Variants in RBMS1 observed in about 807,000 individuals in gnomAD.
RBMS1 encodes RNA-binding motif, single-stranded-interacting protein 1.
Under a neutral mutation model 62.3 loss-of-function variants are expected in RBMS1, and 17 were observed. The observed-to-expected ratio is 0.27, with a 90% CI of 0.19 to 0.41. The LOEUF is 0.41. RBMS1 is among the 10% of genes least tolerant of loss of function. The pLI, the probability that RBMS1 is intolerant of heterozygous loss-of-function variation, is 1.00. For synonymous variants in RBMS1, 172 were observed against 170.0 expected (o/e 1.01, Z -0.09); for missense variants, 334 against 504.5 (o/e 0.66, Z 3.24).
chr2:160,306,729 T>A (rs1689548856), intron 4 of RBMS1, among the ~76,000 whole-genome samples: 1 of 152,010 alleles, frequency 6.6e-6, no homozygotes, highest in Non-Finnish European at 1.5e-5. Context: ...CGGGTGTTTT[T>A]TTTTTCTTTT....
rs761978088 is a variant in RBMS1 at position 160,287,044 on chromosome 2, T to C, written c.681A>G (p.Gly227=). 38 of 1,613,998 alleles carry C rather than the reference T, an allele frequency of 2.4e-5. No individual in the cohort carries two copies. In the South Asian group the frequency reaches 3.7e-4, roughly 16 times the overall value. ...EPLLCKFADG[G]QKKRQNPNKY... ...TGTTTGGGTTCTGTCTCTTTTTCTG[T>C]CCTCCATCAGCAAACTTACACAATA... The change falls in exon 7 of 14, where the codon GGA becomes GGG. Residue 227 remains glycine (G), a synonymous_variant. Transcript: ENST00000348849.
intron 6 of RBMS1, among the ~76,000 whole-genome samples, chr2:160,288,883 G>A (rs187558185): frequency 9.9e-5 from 15 of 152,002 alleles, no homozygotes; most frequent in Non-Finnish European, 1.9e-4. Context: ...CCAACTGGCC[G>A]TTTTTCTCTA....
At chr2:160,318,746 T>C (rs1690376990) in intron 2 of RBMS1, among the ~76,000 whole-genome samples, 1 of 152,226 alleles carries the variant, frequency 6.6e-6, no homozygotes, top group Non-Finnish European at 1.5e-5. Flanking sequence ...TGTGCGCATG[T>C]TTATGTTTAG....
In RBMS1 at chr2:160,281,012, A is replaced by G. The variant is rs113652944; in HGVS notation, c.951+302T>C. On this transcript the variant is annotated intron_variant, in intron 10 of 13. Transcript: ENST00000348849. ...AAAAAATGAGAGCGGTTTTATCCCAAGTACTATTAAAAATGTAGCCTCTCA... is the reference window on the plus strand; with the variant it reads ...AAAAAATGAGAGCGGTTTTATCCCAGGTACTATTAAAAATGTAGCCTCTCA... Among the ~76,000 whole-genome samples the G allele has an allele frequency of 4.9e-3, 743 of 152,290 alleles. 10 individuals are homozygous for G. The highest frequency in any genetic ancestry group is 0.017 in the African/African-American group (716 of 41,568).
intron 1 of RBMS1, among the ~76,000 whole-genome samples, chr2:160,481,878 T>C (rs1409459352): frequency 6.6e-6 from 1 of 152,182 alleles, no homozygotes; most frequent in Non-Finnish European, 1.5e-5. Context: ...ATAGAGCAAT[T>C]AGATTTCTCA....
intron 2 of RBMS1, chr2:160,366,947 A>C (rs1237182810): frequency 4.0e-6 from 1 of 250,926 alleles, no homozygotes; most frequent in Non-Finnish European, 7.5e-6. Flanking sequence ...TTTTTAAAAA[A>C]ATTCATATTT....
chr2:160,394,178 C>A (rs183141875), intron 1 of RBMS1, among the ~76,000 whole-genome samples: 1 of 152,210 alleles, frequency 6.6e-6, no homozygotes, highest in African/African-American at 2.4e-5. Context: ...TACAAGTGAA[C>A]AATTTAGTCT....
chr2:160,445,200 A>G (rs1683592149), intron 1 of RBMS1, among the ~76,000 whole-genome samples: 1 of 152,264 alleles, frequency 6.6e-6, no homozygotes, highest in Non-Finnish European at 1.5e-5. Flanking sequence ...TTTTATCATT[A>G]TAAATATTCA....
At chr2:160,298,347 TA>T (rs59378179) in intron 6 of RBMS1, among the ~76,000 whole-genome samples, 4 of 152,020 alleles carry the variant, frequency 2.6e-5, no homozygotes, top group Non-Finnish European at 5.9e-5. Flanking sequence ...AGGATGAATA[TA>T]AGGTAACTGA....
At chr2:160,488,004 T>A (rs1559613816) in intron 1 of RBMS1, among the ~76,000 whole-genome samples, 3 of 152,236 alleles carry the variant, frequency 2.0e-5, no homozygotes, top group Admixed American at 2.0e-4. Context: ...ATGGGAGATA[T>A]ATGTTCAGTT....
intron 1 of RBMS1, among the ~76,000 whole-genome samples, chr2:160,477,607 G>A (rs193193969): frequency 3.2e-4 from 49 of 152,046 alleles, no homozygotes; most frequent in Non-Finnish European, 5.0e-4. Context: ...AGAGAACGTG[G>A]GTAAACTGTG....
chr2:160,397,111 G>C lies in RBMS1; in HGVS notation c.76-29720C>G, dbSNP rs139017704. ...ATGCTTTCCCTTACTTATTGCTCGT[G>C]GAGGGTCAGGATACCATGCCAACTC... On this transcript the variant is annotated intron_variant, in intron 1 of 13. Coordinates refer to ENST00000348849, the MANE Select transcript of RBMS1 (RefSeq NM_016836.4). Among the ~76,000 whole-genome samples, 279 of 152,080 alleles carry C rather than the reference G, an allele frequency of 1.8e-3. 1 individual carries two copies. Among genetic ancestry groups the C allele is most frequent in the African/African-American group, 6.3e-3 (263 of 41,468 alleles).
chr2:160,431,125 G>C (rs1220081283), intron 1 of RBMS1, among the ~76,000 whole-genome samples: 1 of 144,054 alleles, frequency 6.9e-6, no homozygotes, highest in African/African-American at 2.6e-5. Flanking sequence ...GGGTTACCTA[G>C]GCAATAGTCT....
intron 2 of RBMS1, among the ~76,000 whole-genome samples, chr2:160,358,113 A>T (rs956634760): frequency 2.0e-5 from 3 of 152,210 alleles, no homozygotes; most frequent in African/African-American, 7.2e-5. Context: ...AATGGGAAGA[A>T]GATTCAGTTA....
intron 1 of RBMS1, among the ~76,000 whole-genome samples, chr2:160,413,914 A>G (rs1696119501): frequency 6.6e-6 from 1 of 152,126 alleles, no homozygotes; most frequent in Non-Finnish European, 1.5e-5. Flanking sequence ...TTTGACTCCA[A>G]AGTCCCCTGT....
At chr2:160,489,151 A>C (rs1685722893) in intron 1 of RBMS1, among the ~76,000 whole-genome samples, 1 of 152,232 alleles carries the variant, frequency 6.6e-6, no homozygotes, top group South Asian at 2.1e-4. Context: ...GAAATTCAAA[A>C]GAAATAGCTG....
chr2:160,423,606 C>T (rs370164737), intron 1 of RBMS1, among the ~76,000 whole-genome samples: 10 of 152,194 alleles, frequency 6.6e-5, no homozygotes, highest in African/African-American at 2.4e-4. Flanking sequence ...GTTGTCTACT[C>T]TTTTGGGGTC....
chr2:160,418,631 T>G (rs183153438), intron 1 of RBMS1, among the ~76,000 whole-genome samples: 37 of 152,340 alleles, frequency 2.4e-4, no homozygotes, highest in Admixed American at 3.3e-4. Flanking sequence ...TTCTTCCATA[T>G]GCAGCATTCC....
rs544743616 is a variant in RBMS1 at position 160,457,256 on chromosome 2, G to A, written c.75+36033C>T. On this transcript the variant is annotated intron_variant, in intron 1 of 13. Transcript: ENST00000348849. ...AGTGATTATCCTGCCTCAGGCTCCC[G>A]AGTAGCTGGAATTACGGGAATGCAC... Among the ~76,000 whole-genome samples the A allele has an allele frequency of 3.3e-5, 5 of 151,968 alleles. No homozygotes were observed. In the East Asian group the frequency reaches 5.8e-4, roughly 18 times the overall value.
Sources: allele counts gnomAD v4.1 joint callset (sites outside exome capture counted in the v4.1 genomes callset), GRCh38; gene constraint gnomAD v4.1.1; transcripts MANE v1.5; gene names NCBI Gene and HGNC (gene_info 2026-07-23, HGNC 2026-07-21).